The following FOXP2 variants were observed in gnomAD, a reference collection of about 807,000 sequenced individuals.
FOXP2 encodes the protein forkhead box protein P2.
A neutral mutation model predicts 115.8 loss-of-function variants in FOXP2; 12 were observed. That is an observed-to-expected ratio of 0.10 (90% confidence interval 0.07 to 0.17). The LOEUF is 0.17. Ranked by LOEUF, FOXP2 falls within the 10% of genes least tolerant of loss-of-function variation. The pLI, the probability that FOXP2 is intolerant of heterozygous loss-of-function variation, is 1.00. For missense variants in FOXP2, 629 were observed against 843.5 expected, an observed-to-expected ratio of 0.75 and a Z score of 3.15; for synonymous variants, 328 against 297.7, an observed-to-expected ratio of 1.10 and a Z score of -1.05.
At chr7:114,236,241 A>G (rs1048683633) in intron 1 of FOXP2, among the ~76,000 whole-genome samples, 2 of 152,238 alleles carry the variant, frequency 1.3e-5, no homozygotes, top group African/African-American at 2.4e-5. Context: ...TTAGACTTGC[A>G]CAATGTTTGT....
At chr7:114,598,889 T>A (rs548260934) in intron 3 of FOXP2, among the ~76,000 whole-genome samples, 5 of 152,252 alleles carry the variant, frequency 3.3e-5, no homozygotes, top group African/African-American at 9.6e-5. Flanking sequence ...TCTCTCTCTC[T>A]CACACAGTTA....
intron 2 of FOXP2, among the ~76,000 whole-genome samples, chr7:114,469,302 T>C (rs1315758214): frequency 6.6e-6 from 1 of 152,136 alleles, no homozygotes; most frequent in African/African-American, 2.4e-5. Context: ...TCATATACAA[T>C]ATTACACCAT....
At chr7:114,473,748 T>C (rs1796144503) in intron 2 of FOXP2, among the ~76,000 whole-genome samples, 1 of 152,154 alleles carries the variant, frequency 6.6e-6, no homozygotes, top group African/African-American at 2.4e-5. Flanking sequence ...TCCCCACAGT[T>C]CTGATACCAT....
At chr7:114,578,554 A>G (rs184903363) in intron 3 of FOXP2, among the ~76,000 whole-genome samples, 102 of 152,224 alleles carry the variant, frequency 6.7e-4, no homozygotes, top group African/African-American at 2.3e-3. Flanking sequence ...CTCATGGTTC[A>G]TATGTATTAA....
rs146466719 is a variant in FOXP2, at chr7:114,686,860, G to A, written c.2004-2922G>A. 4.4e-3 allele frequency among the ~76,000 whole-genome samples: 674 copies of A among 151,786 alleles called. 5 individuals carry two copies. The highest frequency in any genetic ancestry group is 0.015 in the African/African-American group (631 of 41,422). Reference sequence around the variant, plus strand: ...TTAAGACATTTTCTTTTAATGAGCCGAACACTTCTGGAATAATGTCAATGA... The same window carrying A: ...TTAAGACATTTTCTTTTAATGAGCCAAACACTTCTGGAATAATGTCAATGA... On this transcript the variant is annotated intron_variant, in intron 16 of 16. Transcript: ENST00000350908.
rs562822985 is a variant in FOXP2, at chr7:114,677,721, T to A, written c.2004-12061T>A. Among the ~76,000 whole-genome samples the A allele has an allele frequency of 2.0e-5, 3 of 152,344 alleles. No individual in the cohort carries two copies. The East Asian group carries it at 5.8e-4, about 29-fold the overall frequency. On this transcript the variant is annotated intron_variant, in intron 16 of 16. Transcript: ENST00000350908. ...AAATTTGTTTATCAGTGTATCAGTG[T>A]AGTTAGTCCTCTGTTTGTGTTTTTG...
intron 1 of FOXP2, among the ~76,000 whole-genome samples, chr7:114,101,438 T>C (rs925910030): frequency 6.6e-6 from 1 of 152,120 alleles, no homozygotes; most frequent in Non-Finnish European, 1.5e-5. Context: ...TCCATACTTT[T>C]CTTGGTCCAG....
intron 2 of FOXP2, among the ~76,000 whole-genome samples, chr7:114,444,542 A>C (rs1794745954): frequency 6.6e-6 from 1 of 152,158 alleles, no homozygotes; most frequent in Admixed American, 6.6e-5. Flanking sequence ...TCTCACTAGT[A>C]CAGCTTTATT....
chr7:114,684,880 A>C (rs562697302), intron 16 of FOXP2, among the ~76,000 whole-genome samples: 3 of 152,318 alleles, frequency 2.0e-5, no homozygotes, highest in Non-Finnish European at 2.9e-5. Flanking sequence ...AATTCTGTAC[A>C]TGTCTACATG....
At chr7:114,653,250 C>T (rs1399356042) in intron 9 of FOXP2, 2 of 153,908 alleles carry the variant, frequency 1.3e-5, no homozygotes, top group East Asian at 3.9e-4. Flanking sequence ...AAAAGGTAGA[C>T]TAAAACATAA....
intron 2 of FOXP2, among the ~76,000 whole-genome samples, chr7:114,445,157 A>G (rs1409625986): frequency 1.3e-5 from 2 of 152,078 alleles, no homozygotes; most frequent in Non-Finnish European, 2.9e-5. Flanking sequence ...AATCCCACCA[A>G]TGGCATCTTT....
Position 114,415,331 on chromosome 7 carries a change from G to A in FOXP2, c.-40G>A, listed in dbSNP as rs181397562. 6.2e-5 allele frequency: 28 copies of A among 452,264 alleles called. No individual in the cohort carries two copies. The highest frequency in any genetic ancestry group is 6.2e-4 in the Admixed American group (26 of 42,220). 28.0% of individuals were successfully genotyped at this position (452,264 alleles called of 1,614,324 possible). On this transcript the variant is annotated 5_prime_UTR_variant, in exon 1 of 17. Coordinates refer to ENST00000350908, the MANE Select transcript of FOXP2 (RefSeq NM_014491.4). ...AACAAACTCCTATGAAGTTGAAACC[G>A]GGAAGTTTGCTCTAACATTTCCAGA...
At chr7:114,591,362 T>C (rs1360683546) in intron 3 of FOXP2, among the ~76,000 whole-genome samples, 3 of 152,160 alleles carry the variant, frequency 2.0e-5, no homozygotes, top group Non-Finnish European at 4.4e-5. Flanking sequence ...AAAATATTTT[T>C]GGAGATTGTT....
At chr7:114,196,631 T>A (rs1328532121) in intron 1 of FOXP2, among the ~76,000 whole-genome samples, 1 of 152,192 alleles carries the variant, frequency 6.6e-6, no homozygotes, top group Non-Finnish European at 1.5e-5. Context: ...TTTAAGAGTA[T>A]GGTTTAGCAT....
chr7:114,490,963 C>A (rs1797016725), intron 2 of FOXP2, among the ~76,000 whole-genome samples: 2 of 152,154 alleles, frequency 1.3e-5, no homozygotes, highest in South Asian at 4.1e-4. Context: ...CCGTAATAAA[C>A]ATACGTGTGC....
chr7:114,461,940 C>G, intron 2 of FOXP2, among the ~76,000 whole-genome samples: 1 of 152,048 alleles, frequency 6.6e-6, no homozygotes, highest in Non-Finnish European at 1.5e-5. Flanking sequence ...ATGAGCTACT[C>G]AGATGTTAGC....
chr7:114,645,883 T>A (rs531796931), intron 8 of FOXP2: 1 of 152,124 alleles, frequency 6.6e-6, no homozygotes, highest in East Asian at 1.9e-4. Flanking sequence ...TTCTAACTAA[T>A]TAAGAGAAAA....
At chr7:114,650,520 G>A (rs781713836) in intron 8 of FOXP2, among the ~76,000 whole-genome samples, 2 of 151,878 alleles carry the variant, frequency 1.3e-5, no homozygotes, top group Non-Finnish European at 2.9e-5. Flanking sequence ...TTGTCTTACT[G>A]TTCATTTAAA....
chr7:114,147,541 C>G (rs1312337386), intron 1 of FOXP2, among the ~76,000 whole-genome samples: 1 of 152,008 alleles, frequency 6.6e-6, no homozygotes, highest in Non-Finnish European at 1.5e-5. Flanking sequence ...CTGCATGCAC[C>G]AAAAGGCTCC....
Sources: gnomAD v4.1 joint callset for allele counts (sites outside exome capture counted in the v4.1 genomes callset) on GRCh38, gnomAD v4.1.1 for gene constraint, MANE v1.5 for transcripts, NCBI Gene and HGNC (gene_info 2026-07-23, HGNC 2026-07-21) for gene names.